TRMT6: variants seen among roughly 807,000 people sequenced by gnomAD.
TRMT6 encodes tRNA (adenine(58)-N(1))-methyltransferase non-catalytic subunit TRM6.
Under a neutral mutation model 59.0 loss-of-function variants are expected in TRMT6, and 34 were observed. The observed-to-expected ratio is 0.58, with a 90% CI of 0.44 to 0.77. The LOEUF (loss-of-function observed/expected upper bound fraction) is 0.77. TRMT6 is among the 30% of genes least tolerant of loss of function. The pLI, the probability that TRMT6 is intolerant of heterozygous loss-of-function variation, is 0.00. For missense variants in TRMT6, 575 were observed against 604.5 expected, an observed-to-expected ratio of 0.95 and a Z score of 0.51; for synonymous variants, 217 against 210.5, an observed-to-expected ratio of 1.03 and a Z score of -0.27.
chr20:5,947,400 C>T (rs1436589970), intron 1 of TRMT6, among the ~76,000 whole-genome samples: 3 of 152,228 alleles, frequency 2.0e-5, no homozygotes, highest in South Asian at 4.1e-4. Flanking sequence ...TTTCTCTGTG[C>T]CACCAGGAAG....
Position 5,942,522 on chromosome 20 carries a change from T to G in TRMT6, c.932A>C (p.Glu311Ala), listed in dbSNP as rs751040497. Residue 311 changes from glutamate to alanine, a missense_variant, in exon 7 of 11, where the codon GAG (glutamate) becomes GCG (alanine). Glu to Ala is a moderately radical substitution (Grantham distance 107). Transcript: ENST00000203001. ...TTCCTGGTCTTCTGGGTGGTTGCTC[T>G]CTGGGGCCTCTGCCATGCTGTCTTC... ...ENEDSMAEAPESNHPEDQETM... is the reference protein window; with the variant it reads ...ENEDSMAEAPASNHPEDQETM... 3 of 1,614,026 alleles carry G rather than the reference T, an allele frequency of 1.9e-6. No homozygotes were observed. Among genetic ancestry groups the G allele is most frequent in the South Asian group, 2.2e-5 (2 of 91,072 alleles).
intron 1 of TRMT6, among the ~76,000 whole-genome samples, chr20:5,946,994 C>A (rs1045622650): frequency 6.6e-6 from 1 of 152,152 alleles, no homozygotes; most frequent in Admixed American, 6.5e-5. Flanking sequence ...CACAGGAACA[C>A]AATGCTTTCT....
Position 5,938,401 on chromosome 20 carries a change from C to T in TRMT6, c.*134G>A. 1 of 968,736 alleles carries T rather than the reference C, an allele frequency of 1.0e-6. No homozygotes were observed. The allele number at this position is 968,736 out of a possible 1,614,324, so 60.0% of individuals were successfully genotyped here. On this transcript the variant is annotated 3_prime_UTR_variant, in exon 11 of 11. Coordinates refer to ENST00000203001, the MANE Select transcript of TRMT6 (RefSeq NM_015939.5). ...AGAAATAGACAAAAGGCATATACTC[C>T]TCCTTCCTAGAAACGGGTACATAGA...
intron 7 of TRMT6, 147 bp downstream of exon 7, chr20:5,942,281 G>T (rs988623347): frequency 1.7e-5 from 14 of 810,744 alleles, no homozygotes; most frequent in Middle Eastern, 2.7e-4. Flanking sequence ...TCACACGTTT[G>T]TATACATGTA....
At chr20:5,950,256 T>C in intron 1 of TRMT6, 22 bp downstream of exon 1, 3 of 1,587,144 alleles carry the variant, frequency 1.9e-6, no homozygotes, top group Non-Finnish European at 2.6e-6. Context: ...GGGAGACCCC[T>C]AAAATCAGCG....
rs1383537589 is a variant in TRMT6 at position 5,937,755 on chromosome 20, AAT to A, written c.*778_*779del. On this transcript the variant is annotated 3_prime_UTR_variant, in exon 11 of 11. Transcript: ENST00000203001. Reference sequence around the variant, plus strand: ...GTATGTATATATCTGTGTATATATAAATATATGTGTGTATATATACCAACATC... The same window carrying A: ...GTATGTATATATCTGTGTATATATAAATATGTGTGTATATATACCAACATC... 8 of 152,314 alleles carry A rather than the reference AAT, an allele frequency of 5.3e-5. No homozygotes were observed. Among genetic ancestry groups the A allele is most frequent in the African/African-American group, 1.4e-4 (6 of 41,570 alleles). The allele number at this position is 152,314 out of a possible 1,614,324, so 9.4% of individuals were successfully genotyped here.
rs2088707050 is a variant in TRMT6 at position 5,946,418 on chromosome 20, C to T, written c.244G>A (p.Glu82Lys). 6.2e-7 allele frequency: 1 copy of T among 1,614,118 alleles called. No homozygotes were observed. Residue 82 changes from glutamate (E) to lysine (K), a missense_variant, in exon 2 of 11, where the codon GAG becomes AAG. By Grantham distance (56) the Glu-to-Lys change is moderately conservative. Coordinates refer to ENST00000203001, the MANE Select transcript of TRMT6 (RefSeq NM_015939.5). ...CCAAAATGTGCACCTGCAGTAGGCTCTTCCCTCTTCTTCTTGGGCTGTAGA... is the reference window on the plus strand; with the variant it reads ...CCAAAATGTGCACCTGCAGTAGGCTTTTCCCTCTTCTTCTTGGGCTGTAGA... ...GSLQPKKKRE[E>K]PTAETKEAGT...
intron 1 of TRMT6, among the ~76,000 whole-genome samples, chr20:5,949,247 G>C (rs905411316): frequency 7.3e-5 from 11 of 151,350 alleles, no homozygotes; most frequent in Non-Finnish European, 1.5e-4. Flanking sequence ...CAGAGTCCCA[G>C]CCACTAGGGA....
At position 5,950,289 on chromosome 20, in the gene TRMT6, G is replaced by T. The variant is rs1485138624; in HGVS notation, c.117C>A (p.Val39=). 6.2e-7 allele frequency: 1 copy of T among 1,611,210 alleles called. No individual in the cohort carries two copies. Among genetic ancestry groups the T allele is most frequent in the Non-Finnish European group, 8.5e-7 (1 of 1,178,258 alleles). The part of the protein sequence containing the change: ...KREDVFKAVQ[V]QRRKKVTFEK... ...GCGATCTGACTTACTTTCTCCGCTG[G>T]ACTTGTACTGCTTTAAACACATCTT... The change falls in exon 1 of 11, where the codon GTC becomes GTA. Residue 39 remains valine (V), a synonymous_variant. Transcript: ENST00000203001.
rs775454605 is a variant in TRMT6, at chr20:5,943,592, A to AGCC, written c.631_633dup (p.Gly211dup). 1 of 1,614,222 alleles carries AGCC rather than the reference A, an allele frequency of 6.2e-7. No individual in the cohort carries two copies. ...CGTTCCATCATTGCACCCAGCACCA[A>AGCC]GCCTGCACACGTTTCCATCACAATC... On this transcript the variant is annotated inframe_insertion, in exon 6 of 11. Coordinates refer to ENST00000203001, the MANE Select transcript of TRMT6 (RefSeq NM_015939.5).
chr20:5,950,490 G>T lies in TRMT6; in HGVS notation c.-85C>A, dbSNP rs2088783234. 4 of 1,443,328 alleles carry T rather than the reference G, an allele frequency of 2.8e-6. No individual in the cohort carries two copies. The African/African-American group carries it at 4.3e-5, about 16-fold the overall frequency. The allele number at this position is 1,443,328 out of a possible 1,614,324, so 89.4% of individuals were successfully genotyped here. On this transcript the variant is annotated 5_prime_UTR_variant, in exon 1 of 11. Transcript: ENST00000203001. ...CCGCCAGCCTCACTTCCCACAACCT[G>T]GCGCACTAGGAGCCCTCCGACCGGC...
intron 10 of TRMT6, among the ~76,000 whole-genome samples, chr20:5,939,551 A>G (rs1401786405): frequency 6.6e-6 from 1 of 151,638 alleles, no homozygotes; most frequent in Non-Finnish European, 1.5e-5. Flanking sequence ...AGGTTTATCT[A>G]GAAACTGAAG....
chr20:5,946,388 C>A lies in TRMT6; in HGVS notation c.256+18G>T, dbSNP rs188917474. The A allele has an allele frequency of 6.2e-7, 1 of 1,613,878 alleles. No individual in the cohort carries two copies. Among genetic ancestry groups the A allele is most frequent in the African/African-American group, 1.3e-5 (1 of 74,908 alleles). ...AGTCAGTTGGAGAGCATCTATTTCA[C>A]GCATCCAAAATGTGCACCTGCAGTA... On this transcript the variant is annotated intron_variant, in intron 2 of 10. Transcript: ENST00000203001.
intron 2 of TRMT6, 149 bp downstream of exon 2, chr20:5,946,257 G>A: frequency 1.1e-6 from 1 of 915,936 alleles, no homozygotes; most frequent in South Asian, 1.7e-5. Flanking sequence ...GGCAGTACTT[G>A]CTTCACTCCA....
chr20:5,942,001 C>T lies in TRMT6; in HGVS notation c.1062G>A (p.Arg354=), dbSNP rs947358623. The stretch of plus-strand genomic sequence containing the variant: ...GAGCGGCAGCCTCTAAATGTCTTTT[C>T]CTCTGCTCTTCTTGTCTCCTCTGTT... ...QEKQRRQEEQ[R]KRHLEAAALL... is the part of the protein sequence containing the mutation. The change falls in exon 8 of 11, where the codon AGG becomes AGA. Residue 354 remains arginine, a synonymous_variant. Transcript: ENST00000203001. 1 of 1,613,368 alleles carries T rather than the reference C, an allele frequency of 6.2e-7. No homozygotes were observed. The highest frequency in any genetic ancestry group is 1.7e-5 in the Admixed American group (1 of 60,028).
chr20:5,945,057 CT>C (rs2122606732), intron 2 of TRMT6, 143 bp from the exon 3 acceptor site: 2 of 623,154 alleles, frequency 3.2e-6, no homozygotes, highest in South Asian at 4.1e-5. Flanking sequence ...CTATCCTTTC[CT>C]GCCAAAACTA....
chr20:5,939,501 A>C (rs1051559715), intron 10 of TRMT6, among the ~76,000 whole-genome samples: 1 of 150,318 alleles, frequency 6.7e-6, no homozygotes, highest in African/African-American at 2.5e-5. Flanking sequence ...AAAAAAAAAA[A>C]AGAGAAGAAA....
rs1600223638 is a variant in TRMT6 at position 5,942,633 on chromosome 20, A to G, written c.821T>C (p.Met274Thr). ...SLLHGTFSAK[M>T]LSSEPKDSAL... is the part of the protein sequence containing the mutation. The stretch of plus-strand genomic sequence containing the variant: ...ACTGTCTTTTGGCTCTGAAGATAAC[A>G]TCTTGGCAGAAAATGTTCCATGTAG... The change falls in exon 7 of 11, where the codon ATG becomes ACG. Residue 274 changes from methionine to threonine, a missense_variant. By Grantham distance (81) the Met-to-Thr change is moderately conservative. Transcript: ENST00000203001. The G allele has an allele frequency of 6.2e-7, 1 of 1,614,106 alleles. No homozygotes were observed. Among genetic ancestry groups the G allele is most frequent in the Non-Finnish European group, 8.5e-7 (1 of 1,180,008 alleles).
rs974882176 is a variant in TRMT6, at chr20:5,950,497, T to A, written c.-92A>T. 5.3e-5 allele frequency: 75 copies of A among 1,407,950 alleles called. No homozygotes were observed. In the South Asian group the frequency reaches 5.6e-4, roughly 10 times the overall value. The allele number at this position is 1,407,950 out of a possible 1,614,324, so 87.2% of individuals were successfully genotyped here. On this transcript the variant is annotated 5_prime_UTR_variant, in exon 1 of 11. Coordinates refer to ENST00000203001, the MANE Select transcript of TRMT6 (RefSeq NM_015939.5). ...CCTCACTTCCCACAACCTGGCGCACTAGGAGCCCTCCGACCGGCACCGCCC... is the reference window on the plus strand; with the variant it reads ...CCTCACTTCCCACAACCTGGCGCACAAGGAGCCCTCCGACCGGCACCGCCC...
Sources: allele counts gnomAD v4.1 joint callset (sites outside exome capture counted in the v4.1 genomes callset), GRCh38; gene constraint gnomAD v4.1.1; transcripts MANE v1.5; gene names NCBI Gene and HGNC (gene_info 2026-07-23, HGNC 2026-07-21).